Variants in KDM2B observed in about 807,000 individuals in gnomAD.
KDM2B encodes lysine-specific demethylase 2B.
In KDM2B, 26 loss-of-function variants were observed where a neutral mutation model predicts 150.0. That is an observed-to-expected ratio of 0.17 (90% confidence interval 0.13 to 0.24). The LOEUF is 0.24. Among genes scored for constraint, KDM2B ranks in the 10% least tolerant of loss-of-function variants. The probability of loss-of-function intolerance (pLI) is 1.00; values close to 1 mark genes in which losing one functional copy is unlikely to be tolerated. For missense variants in KDM2B, 1,265 were observed against 1,816.9 expected (o/e 0.70, Z 5.52); for synonymous variants, 734 against 729.5 (o/e 1.01, Z -0.10).
chr12:121,498,584 C>A (rs111589257), intron 11 of KDM2B, among the ~76,000 whole-genome samples: 2,529 of 152,234 alleles, frequency 0.017, 80 homozygotes, highest in African/African-American at 0.058. Flanking sequence ...CATGGGCCAC[C>A]AATTTGCAAA....
In KDM2B at chr12:121,575,177, G is replaced by A. The variant is rs1555316696; in HGVS notation, c.351-584C>T. Among the ~76,000 whole-genome samples the A allele has an allele frequency of 6.6e-6, 1 of 152,242 alleles. No homozygotes were observed. The highest frequency in any genetic ancestry group is 2.4e-5 in the African/African-American group (1 of 41,464). On this transcript the variant is annotated intron_variant, in intron 3 of 22. Transcript: ENST00000377071. The surrounding 1 kb of genome is among the most constrained non-coding windows in gnomAD (Gnocchi z 4.4). The stretch of plus-strand genomic sequence containing the variant: ...AGTCTGGGAGCAGATGCTGGAGAGA[G>A]GCTGCCTGGGACGACACCCCAAGCC...
At chr12:121,544,114 C>CAAAA (rs57873693) in intron 6 of KDM2B, among the ~76,000 whole-genome samples, 19 of 42,892 alleles carry the variant, frequency 4.4e-4, no homozygotes, top group African/African-American at 7.6e-4. Flanking sequence ...GACCCTGCCT[C>CAAAA]AAAAAAAAAA....
At position 121,468,510 on chromosome 12, in the gene KDM2B, T is replaced by TC. The variant is rs1555295322; in HGVS notation, c.1735-15167dup. 6.6e-6 allele frequency: 1 copy of TC among 152,230 alleles called. No homozygotes were observed. Among genetic ancestry groups the TC allele is most frequent in the African/African-American group, 2.4e-5 (1 of 41,438 alleles). The allele number at this position is 152,230 out of a possible 1,614,324, so 9.4% of individuals were successfully genotyped here. On this transcript the variant is annotated intron_variant, in intron 12 of 22. Coordinates refer to ENST00000377071, the MANE Select transcript of KDM2B (RefSeq NM_032590.5). This position sits in a 1 kb window ranked among gnomAD's most constrained non-coding sequence, Gnocchi z 4.0. The stretch of plus-strand genomic sequence containing the variant: ...TGCACACCTGTACCTGTTCAGTTTC[T>TC]CCATCTATACAAGGGGAAGGATTTA...
rs111612375 is a variant in KDM2B, at chr12:121,434,262, G to A, written c.3830-3793C>T. On this transcript the variant is annotated intron_variant, in intron 22 of 22. Transcript: ENST00000377071. ...AATAGAATCAAGAGCTCGGCCAGGC[G>A]TGGTGACTCACGCCTATAATCCCAG... Among the ~76,000 whole-genome samples, 763 of 152,116 alleles carry A rather than the reference G, an allele frequency of 5.0e-3. 5 individuals carry two copies. The highest frequency in any genetic ancestry group is 0.017 in the African/African-American group (704 of 41,494).
intron 4 of KDM2B, among the ~76,000 whole-genome samples, chr12:121,573,012 G>C (rs1029817445): frequency 2.0e-5 from 3 of 151,836 alleles, no homozygotes; most frequent in Non-Finnish European, 4.4e-5. Context: ...TTTCAGTAGA[G>C]ACGGGGTTTC....
chr12:121,450,783 C>A (rs1427061538), intron 13 of KDM2B, among the ~76,000 whole-genome samples: 13 of 151,996 alleles, frequency 8.6e-5, no homozygotes, highest in Admixed American at 3.3e-4. Context: ...ATGGCATGAA[C>A]CCAGGAGGTG....
intron 7 of KDM2B, 25 bp downstream of exon 7, chr12:121,534,472 A>G (rs373964238): frequency 1.9e-6 from 3 of 1,572,432 alleles, no homozygotes; most frequent in Non-Finnish European, 8.8e-7. Flanking sequence ...AGATGCATAG[A>G]AAGTTAAAGG....
At chr12:121,503,686 G>A (rs868991243) in intron 11 of KDM2B, among the ~76,000 whole-genome samples, 2 of 152,208 alleles carry the variant, frequency 1.3e-5, no homozygotes, top group African/African-American at 4.8e-5. Flanking sequence ...AAAGAGAAAG[G>A]GCAGGGGAAG....
chr12:121,425,897 G>A (rs182124975), downstream of KDM2B, among the ~76,000 whole-genome samples: 1 of 151,900 alleles, frequency 6.6e-6, no homozygotes, highest in African/African-American at 2.4e-5. Context: ...CTCCCAAGTA[G>A]CTGGGACTAC....
At chr12:121,423,366 A>C in the KDM2B span, 5 of 1,582,346 alleles carry the variant, frequency 3.2e-6, no homozygotes, top group Admixed American at 8.8e-5. The surrounding 1 kb of genome is among the most constrained non-coding windows in gnomAD (Gnocchi z 4.3). Context: ...CCGAGGCCTT[A>C]GCTCTCTGTT....
chr12:121,440,378 G>A (rs781818976), intron 21 of KDM2B: 12 of 460,730 alleles, frequency 2.6e-5, no homozygotes, highest in East Asian at 4.3e-5. Context: ...ATGGCTTGGC[G>A]AGAAGCACGG....
chr12:121,423,426 C>G, the KDM2B span: 1 of 1,612,530 alleles, frequency 6.2e-7, no homozygotes, highest in Non-Finnish European at 8.5e-7. This position sits in a 1 kb window ranked among gnomAD's most constrained non-coding sequence, Gnocchi z 4.3. Context: ...AAGACGACAG[C>G]CTGTGTCGCA....
intron 6 of KDM2B, among the ~76,000 whole-genome samples, chr12:121,543,433 T>C (rs1486119612): frequency 6.6e-6 from 1 of 151,400 alleles, no homozygotes; most frequent in Non-Finnish European, 1.5e-5. Flanking sequence ...TTTGTAACTA[T>C]CTGGATCACT....
chr12:121,479,023 GT>G (rs1430294656), intron 12 of KDM2B, among the ~76,000 whole-genome samples: 1 of 152,020 alleles, frequency 6.6e-6, no homozygotes, highest in East Asian at 1.9e-4. Context: ...GCCTCAGGCT[GT>G]GATCTTGAAG....
At chr12:121,426,452 C>CCTT (rs1555284248), downstream of KDM2B, among the ~76,000 whole-genome samples, 8 of 125,818 alleles carry the variant, frequency 6.4e-5, no homozygotes, top group African/African-American at 2.8e-4. Flanking sequence ...CCTCCCCCCC[C>CCTT]TTTTTTTTTT....
At chr12:121,574,331 T>C (rs925574883) in intron 4 of KDM2B, 17 of 500,128 alleles carry the variant, frequency 3.4e-5, no homozygotes, top group Non-Finnish European at 4.7e-5. Flanking sequence ...CTCATAAAAC[T>C]GTGTACCGGC....
chr12:121,484,560 G>A (rs1211947909), intron 12 of KDM2B, among the ~76,000 whole-genome samples: 1 of 152,194 alleles, frequency 6.6e-6, no homozygotes, highest in African/African-American at 2.4e-5. Context: ...GCTCACGCCT[G>A]TAGTCCTAGC....
the KDM2B span, among the ~76,000 whole-genome samples, chr12:121,421,698 AT>A: frequency 1.2e-4 from 18 of 152,160 alleles, no homozygotes; most frequent in African/African-American, 3.6e-4. Context: ...TGTAAAAAAA[AT>A]ATATATGTAC....
At chr12:121,548,282 TA>T (rs1204198226) in intron 6 of KDM2B, among the ~76,000 whole-genome samples, 1 of 151,816 alleles carries the variant, frequency 6.6e-6, no homozygotes, top group African/African-American at 2.4e-5. Flanking sequence ...AAAATAAAAA[TA>T]AAAAAATAAA....
Sources: gnomAD v4.1 joint callset for allele counts (sites outside exome capture counted in the v4.1 genomes callset) on GRCh38, gnomAD v4.1.1 for gene constraint, Gnocchi (gnomAD v3.1) non-coding constraint, MANE v1.5 for transcripts, NCBI Gene and HGNC (gene_info 2026-07-23, HGNC 2026-07-21) for gene names.